The following SALL3 variants were observed in gnomAD, a reference collection of about 807,000 sequenced individuals.
The protein encoded by SALL3 is sal-like protein 3.
In SALL3, 25 loss-of-function variants were observed where a neutral mutation model predicts 66.2. The ratio of observed to expected loss-of-function variants is 0.38; its 90% CI spans 0.28 to 0.53. The LOEUF is 0.53. SALL3 is among the 20% of genes least tolerant of loss of function. The pLI is 0.85. For missense variants in SALL3, 2,194 were observed against 1,916.5 expected (o/e 1.14, Z -2.70); for synonymous variants, 1,152 against 899.1 (o/e 1.28, Z -5.03).
rs749414307 is a variant in SALL3 at position 78,994,815 on chromosome 18, G to C, written c.2824G>C (p.Ala942Pro). Reference protein sequence around the residue: ...PLKTERPDSPAAAPGSGGAPG... With the variant: ...PLKTERPDSPPAAPGSGGAPG... ...CAAGACCGAGAGGCCGGACAGCCCA[G>C]CCGCCGCCCCGGGCAGCGGAGGCGC... Residue 942 changes from alanine to proline, a missense_variant, in exon 2 of 3, where the codon GCC (alanine) becomes CCC (proline). Ala to Pro is a conservative substitution (Grantham distance 27, BLOSUM62 -1). Coordinates refer to ENST00000537592, the MANE Select transcript of SALL3 (RefSeq NM_171999.4). 14 of 1,595,802 alleles carry C rather than the reference G, an allele frequency of 8.8e-6. No homozygotes were observed. In the South Asian group the frequency reaches 1.1e-4, roughly 13 times the overall value.
intron 1 of SALL3, among the ~76,000 whole-genome samples, chr18:78,985,994 C>A (rs575919300): frequency 1.3e-5 from 2 of 152,332 alleles, no homozygotes; most frequent in South Asian, 4.1e-4. Context: ...GCGTATTTTT[C>A]ATTAGGCATA....
At position 78,993,681 on chromosome 18, in the gene SALL3, G is replaced by T. The variant is rs779215862; in HGVS notation, c.1690G>T (p.Ala564Ser). The T allele has an allele frequency of 2.5e-6, 4 of 1,585,340 alleles. No homozygotes were observed. Among genetic ancestry groups the T allele is most frequent in the Admixed American group, 3.4e-5 (2 of 58,398 alleles). Residue 564 changes from alanine to serine, a missense_variant, in exon 2 of 3, where the codon GCC becomes TCC. By Grantham distance (99) the Ala-to-Ser change is moderately conservative. Coordinates refer to ENST00000537592, the MANE Select transcript of SALL3 (RefSeq NM_171999.4). ...QRPSPASSEC[A>S]SLSPGLNHVE... ...GCCCTCGCCCGCCTCCAGCGAGTGC[G>T]CCTCCTTGTCCCCAGGCCTCAACCA...
intron 1 of SALL3, among the ~76,000 whole-genome samples, chr18:78,982,651 G>C (rs2146206670): frequency 6.6e-6 from 1 of 152,110 alleles, no homozygotes; most frequent in Non-Finnish European, 1.5e-5. Context: ...AAGGTAAATG[G>C]GTGTGGAAAC....
Position 78,992,408 on chromosome 18 carries a change from G to C in SALL3, c.417G>C (p.Ala139=). The C allele has an allele frequency of 7.5e-7, 1 of 1,328,644 alleles. No individual in the cohort carries two copies. Among genetic ancestry groups the C allele is most frequent in the Non-Finnish European group, 9.6e-7 (1 of 1,047,104 alleles). The allele number at this position is 1,328,644 out of a possible 1,614,324, so 82.3% of individuals were successfully genotyped here. A position where few individuals can be genotyped will look rare whatever the true frequency, so the allele number is the denominator to read the frequency against. The change falls in exon 2 of 3, where the codon GCG becomes GCC. Residue 139 remains alanine, a synonymous_variant. Coordinates refer to ENST00000537592, the MANE Select transcript of SALL3 (RefSeq NM_171999.4). ...CCGAGCCCATGGACGCGGAACCCGCGGGGGACACGCGCGCGCCCCGGCCCC... is the reference window on the plus strand; with the variant it reads ...CCGAGCCCATGGACGCGGAACCCGCCGGGGACACGCGCGCGCCCCGGCCCC... ...KEAEPMDAEP[A]GDTRAPRPPP...
chr18:78,982,461 T>C (rs945495820), intron 1 of SALL3, among the ~76,000 whole-genome samples: 2 of 152,182 alleles, frequency 1.3e-5, no homozygotes, highest in Non-Finnish European at 2.9e-5. Context: ...ACATGCTTGT[T>C]TGAGAGAGTT....
intron 1 of SALL3, among the ~76,000 whole-genome samples, chr18:78,986,216 G>A (rs1470510688): frequency 2.0e-5 from 3 of 152,248 alleles, no homozygotes; most frequent in Admixed American, 1.3e-4. Flanking sequence ...TCACTGCACA[G>A]GTTAAAAACT....
rs1285342877 is a variant in SALL3, at chr18:78,995,252, C to T, written c.3261C>T (p.Pro1087=). 3 of 1,598,304 alleles carry T rather than the reference C, an allele frequency of 1.9e-6. No homozygotes were observed. The highest frequency in any genetic ancestry group is 1.1e-5 in the South Asian group (1 of 90,580). The change falls in exon 2 of 3, where the codon CCC becomes CCT. Residue 1087 remains proline, a synonymous_variant. Coordinates refer to ENST00000537592, the MANE Select transcript of SALL3 (RefSeq NM_171999.4). ...CGCTGCCCGCGGGCGTCCAGGTCCC[C>T]GCCGGGCCTCAGACAGTGATGGGCC... ...GPPLPAGVQV[P]AGPQTVMGPG... is the part of the protein sequence containing the mutation.
intron 1 of SALL3, among the ~76,000 whole-genome samples, chr18:78,981,155 C>T (rs562771895): frequency 6.6e-6 from 1 of 152,230 alleles, no homozygotes. Context: ...GGGCAGGCGC[C>T]GCGAAAGTTA....
rs1455302080 is a variant in SALL3 at position 78,992,894 on chromosome 18, CCCCGGCGGCCCTGCGGAGCCCAGCGCG to C, written c.908_934del (p.Gly303_Pro311del). ...CCCGGCCCGAGTCTGGCGCCAGCAC[CCCCGGCGGCCCTGCGGAGCCCAGCGCG>C]CCCGCCGCCCCCAGCGCCGCCCCTG... On this transcript the variant is annotated inframe_deletion, in exon 2 of 3. Coordinates refer to ENST00000537592, the MANE Select transcript of SALL3 (RefSeq NM_171999.4). The C allele has an allele frequency of 1.0e-6, 1 of 985,308 alleles. No individual in the cohort carries two copies. Among genetic ancestry groups the C allele is most frequent in the Non-Finnish European group, 1.2e-6 (1 of 831,790 alleles). 61.0% of individuals were successfully genotyped at this position (985,308 alleles called of 1,614,324 possible). A position where few individuals can be genotyped will look rare whatever the true frequency, so the allele number is the denominator to read the frequency against.
chr18:78,996,552 CT>C (rs1914699405), intron 2 of SALL3, among the ~76,000 whole-genome samples: 1 of 152,186 alleles, frequency 6.6e-6, no homozygotes, highest in African/African-American at 2.4e-5. Context: ...GGAGCCAGGG[CT>C]TGGGCAAGTG....
chr18:78,997,127 C>T lies in SALL3; in HGVS notation c.3708C>T (p.Gly1236=), dbSNP rs765338226. ...ACGAGATCTCCGTCATCCAGAACGG[C>T]GGCATCCCCCAGCTCCCCGTGAGTC... ...KNNEISVIQN[G]GIPQLPVSLG... The change falls in exon 3 of 3, where the codon GGC becomes GGT. Residue 1236 remains glycine, a synonymous_variant. Coordinates refer to ENST00000537592, the MANE Select transcript of SALL3 (RefSeq NM_171999.4). 37 of 1,614,082 alleles carry T rather than the reference C, an allele frequency of 2.3e-5. 1 individual carries two copies. Among genetic ancestry groups the T allele is most frequent in the East Asian group, 1.3e-4 (6 of 44,882 alleles).
In SALL3 at chr18:78,997,515, CTCTGCAATCTTTTAAATAAG is replaced by C. The variant is rs1237996353; in HGVS notation, c.*194_*213del. ...CAGCAAGCCTGACTGTTCTCGAGAA[CTCTGCAATCTTTTAAATAAG>C]CTTCCTTCAAAAAAAAAAGTGCTTG... On this transcript the variant is annotated 3_prime_UTR_variant, in exon 3 of 3. Transcript: ENST00000537592. The C allele has an allele frequency of 1.7e-6, 1 of 571,472 alleles. No individual in the cohort carries two copies. Among genetic ancestry groups the C allele is most frequent in the Non-Finnish European group, 3.0e-6 (1 of 330,530 alleles). 35.4% of individuals were successfully genotyped at this position (571,472 alleles called of 1,614,324 possible).
In SALL3 at chr18:78,992,970, C is replaced by T; in HGVS notation, c.979C>T (p.Pro327Ser). Residue 327 changes from proline (P) to serine (S), a missense_variant, in exon 2 of 3, where the codon CCA becomes TCA. Physicochemically the swap from Pro to Ser is moderately conservative, Grantham distance 74. Transcript: ENST00000537592. Reference protein sequence around the residue: ...APAPAAPAPAPAPQSAASSQP... With the variant: ...APAPAAPAPASAPQSAASSQP... ...TGCCCCCGCTGCCCCCGCCCCGGCGCCAGCGCCGCAGAGCGCAGCCTCGTC... is the reference window on the plus strand; with the variant it reads ...TGCCCCCGCTGCCCCCGCCCCGGCGTCAGCGCCGCAGAGCGCAGCCTCGTC... 8.1e-7 allele frequency: 1 copy of T among 1,233,558 alleles called. No individual in the cohort carries two copies. Among genetic ancestry groups the T allele is most frequent in the Non-Finnish European group, 1.0e-6 (1 of 989,570 alleles). 76.4% of individuals were successfully genotyped at this position (1,233,558 alleles called of 1,614,324 possible). A position where few individuals can be genotyped will look rare whatever the true frequency, so the allele number is the denominator to read the frequency against.
rs1447307958 is a variant in SALL3, at chr18:78,980,140, GCC to G, written c.-132_-131del. On this transcript the variant is annotated 5_prime_UTR_variant, in exon 1 of 3. Coordinates refer to ENST00000537592, the MANE Select transcript of SALL3 (RefSeq NM_171999.4). ...CATTATTCACCAGCCTAATTGCTCA[GCC>G]CCATGCGCGGCCCGCGCAGCCGCCG... 2 of 160,546 alleles carry G rather than the reference GCC, an allele frequency of 1.2e-5. No individual in the cohort carries two copies. Among genetic ancestry groups the G allele is most frequent in the Non-Finnish European group, 2.5e-5 (2 of 79,040 alleles). The allele number at this position is 160,546 out of a possible 1,614,324, so 9.9% of individuals were successfully genotyped here.
chr18:78,991,089 T>C (rs1914416759), intron 1 of SALL3, among the ~76,000 whole-genome samples: 1 of 152,214 alleles, frequency 6.6e-6, no homozygotes, highest in African/African-American at 2.4e-5. Context: ...TGCTAAGTCT[T>C]CTATGAGAAT....
chr18:78,993,742 C>A lies in SALL3; in HGVS notation c.1751C>A (p.Pro584Gln). ...ESGVSATAES[P>Q]QSLLGGPPLT... Reference sequence around the variant, plus strand: ...GGCGTGTCGGCCACCGCCGAGTCCCCACAGTCGCTCCTCGGCGGGCCGCCC... The same window carrying A: ...GGCGTGTCGGCCACCGCCGAGTCCCAACAGTCGCTCCTCGGCGGGCCGCCC... Residue 584 changes from proline to glutamine, a missense_variant, in exon 2 of 3, where the codon CCA (proline) becomes CAA (glutamine). By Grantham distance (76) the Pro-to-Gln change is moderately conservative. Coordinates refer to ENST00000537592, the MANE Select transcript of SALL3 (RefSeq NM_171999.4). The A allele has an allele frequency of 6.4e-7, 1 of 1,550,876 alleles. No homozygotes were observed. The highest frequency in any genetic ancestry group is 8.6e-7 in the Non-Finnish European group (1 of 1,157,206).
At chr18:78,981,490 G>A (rs536536541) in intron 1 of SALL3, among the ~76,000 whole-genome samples, 2 of 152,358 alleles carry the variant, frequency 1.3e-5, no homozygotes, top group South Asian at 2.1e-4. Flanking sequence ...AAGGAAACGG[G>A]GCGGAAGAGT....
chr18:78,994,238 C>T lies in SALL3; in HGVS notation c.2247C>T (p.Thr749=), dbSNP rs1348412934. Residue 749 remains threonine, a synonymous_variant, in exon 2 of 3, where the codon ACC becomes ACT. Transcript: ENST00000537592. Reference sequence around the variant, plus strand: ...GCCCCATCTGCCAGAAGAAGTTCACCAACGCCGTGGTCCTGCAGCAGCACA... The same window carrying T: ...GCCCCATCTGCCAGAAGAAGTTCACTAACGCCGTGGTCCTGCAGCAGCACA... ...HSCPICQKKF[T]NAVVLQQHIR... 5 of 1,613,616 alleles carry T rather than the reference C, an allele frequency of 3.1e-6. No individual in the cohort carries two copies. Among genetic ancestry groups the T allele is most frequent in the East Asian group, 2.2e-5 (1 of 44,880 alleles).
Position 78,998,955 on chromosome 18 carries a change from CCAA to C in SALL3, c.*1640_*1642del, listed in dbSNP as rs1386246555. ...TGCTGGCGTCTGACACTATGAACTT[CCAA>C]CAACAAAATTGTTCAAGAGATGCTC... On this transcript the variant is annotated 3_prime_UTR_variant, in exon 3 of 3. Transcript: ENST00000537592. 1 of 152,164 alleles carries C rather than the reference CCAA, an allele frequency of 6.6e-6. No homozygotes were observed. Among genetic ancestry groups the C allele is most frequent in the Non-Finnish European group, 1.5e-5 (1 of 68,040 alleles). The allele number at this position is 152,164 out of a possible 1,614,324, so 9.4% of individuals were successfully genotyped here. A position where few individuals can be genotyped will look rare whatever the true frequency, so the allele number is the denominator to read the frequency against.
Sources: allele counts gnomAD v4.1 joint callset (sites outside exome capture counted in the v4.1 genomes callset), GRCh38; gene constraint gnomAD v4.1.1; transcripts MANE v1.5; gene names NCBI Gene and HGNC (gene_info 2026-07-23, HGNC 2026-07-21).